The following RSF1 variants were observed in gnomAD, a reference collection of about 807,000 sequenced individuals.
The protein encoded by RSF1 is remodeling and spacing factor 1.
In RSF1, 13 loss-of-function variants were observed where a neutral mutation model predicts 145.2. The observed-to-expected ratio is 0.09, with a 90% CI of 0.06 to 0.14. RSF1 has a LOEUF of 0.14. RSF1 is among the 10% of genes least tolerant of loss of function. The pLI, the probability that RSF1 is intolerant of heterozygous loss-of-function variation, is 1.00. For missense variants in RSF1, 1,517 were observed against 1,718.2 expected (o/e 0.88, Z 2.07); for synonymous variants, 577 against 592.6 (o/e 0.97, Z 0.38).
chr11:77,743,679 T>G (rs1728493781), intron 3 of RSF1, among the ~76,000 whole-genome samples: 1 of 152,222 alleles, frequency 6.6e-6, no homozygotes, highest in African/African-American at 2.4e-5. Flanking sequence ...ACAATTTAAC[T>G]TCTTCCTTTC....
rs201359081 is a variant in RSF1 at position 77,698,700 on chromosome 11, T to A, written c.2509-7A>T. ...CTTTGCCTTTGGGTTTTACCTTGTA[T>A]AAAATAAAAAAAATTGGGATAATTT... On this transcript the variant is annotated splice_region_variant and splice_polypyrimidine_tract_variant and intron_variant, in intron 6 of 15. Transcript: ENST00000308488. The A allele has an allele frequency of 2.3e-3, 3,692 of 1,610,102 alleles. 5 individuals carry two copies. The highest frequency in any genetic ancestry group is 2.9e-3 in the Non-Finnish European group (3,456 of 1,177,374).
intron 2 of RSF1, among the ~76,000 whole-genome samples, chr11:77,757,228 CCTAGCATAAAGG>C (rs1948124980): frequency 6.6e-6 from 1 of 151,956 alleles, no homozygotes; most frequent in African/African-American, 2.4e-5. Flanking sequence ...ATGCTAGAGC[CCTAGCATAAAGG>C]CTAGCATAAA....
At chr11:77,834,174 C>A in the RSF1 span, among the ~76,000 whole-genome samples, 1 of 152,110 alleles carries the variant, frequency 6.6e-6, no homozygotes, top group East Asian at 1.9e-4. Context: ...AATACTAATT[C>A]AATGAATAAA....
intron 4 of RSF1, among the ~76,000 whole-genome samples, chr11:77,732,172 G>A (rs533163509): frequency 2.6e-5 from 4 of 152,358 alleles, no homozygotes; most frequent in Middle Eastern, 3.4e-3. Flanking sequence ...AGTCAAAAGA[G>A]ATGATTTTGG....
At chr11:77,726,949 AC>A (rs1327029965) in intron 4 of RSF1, among the ~76,000 whole-genome samples, 1 of 152,196 alleles carries the variant, frequency 6.6e-6, no homozygotes, top group Non-Finnish European at 1.5e-5. Context: ...CTTGAGTATT[AC>A]TAAATTGGTC....
At chr11:77,827,091 C>T in the RSF1 span, among the ~76,000 whole-genome samples, 11 of 143,588 alleles carry the variant, frequency 7.7e-5, no homozygotes, top group Non-Finnish European at 1.2e-4. Context: ...GGTGACAGAG[C>T]GAAACTCGTC....
At chr11:77,769,811 C>T (rs1230234241) in intron 1 of RSF1, among the ~76,000 whole-genome samples, 3 of 152,236 alleles carry the variant, frequency 2.0e-5, no homozygotes, top group Admixed American at 2.0e-4. Context: ...AATTCTTATT[C>T]TTCAATAAAG....
In RSF1 at chr11:77,667,100, C is replaced by G. The variant is rs1221761525; in HGVS notation, c.4143G>C (p.Glu1381Asp). ...TNGQSPGKAI[E>D]NLIGKPTEKS... ...TCTCAGTAGGCTTGCCAATCAAGTT[C>G]TCAATGGCTTTGCCAGGGCTCTGTC... The change falls in exon 16 of 16, where the codon GAG becomes GAC. Residue 1381 changes from glutamate to aspartate, a missense_variant. Glu to Asp is a conservative substitution (Grantham distance 45). Coordinates refer to ENST00000308488, the MANE Select transcript of RSF1 (RefSeq NM_016578.4). The G allele has an allele frequency of 6.2e-6, 10 of 1,614,068 alleles. No homozygotes were observed. The highest frequency in any genetic ancestry group is 8.5e-6 in the Non-Finnish European group (10 of 1,180,038).
intron 3 of RSF1, among the ~76,000 whole-genome samples, chr11:77,742,279 CCTTTT>C (rs1255950248): frequency 1.3e-5 from 2 of 151,906 alleles, no homozygotes; most frequent in African/African-American, 2.4e-5. Context: ...GCAAGGGTTC[CCTTTT>C]CTTTTTTCTT....
At chr11:77,823,278 A>G (rs1306896188), upstream of RSF1, among the ~76,000 whole-genome samples, 1 of 151,960 alleles carries the variant, frequency 6.6e-6, no homozygotes, top group African/African-American at 2.4e-5. Flanking sequence ...ATGGTTATGA[A>G]TTATCACTGC....
At chr11:77,671,213 T>G (rs1454852126) in intron 15 of RSF1, among the ~76,000 whole-genome samples, 2 of 121,576 alleles carry the variant, frequency 1.6e-5, no homozygotes, top group Non-Finnish European at 3.3e-5. Flanking sequence ...ATATATACAC[T>G]ATATATATAT....
At chr11:77,848,038 G>A in the RSF1 span, among the ~76,000 whole-genome samples, 1 of 152,158 alleles carries the variant, frequency 6.6e-6, no homozygotes, top group Non-Finnish European at 1.5e-5. Context: ...TACCAACATA[G>A]GGGAGGGTAG....
At chr11:77,841,231 C>A in the RSF1 span, 3 of 702,318 alleles carry the variant, frequency 4.3e-6, no homozygotes, top group Non-Finnish European at 7.8e-6. Context: ...AAAGGTCCCA[C>A]CTCTTAATGT....
chr11:77,841,003 A>G, the RSF1 span: 2 of 516,848 alleles, frequency 3.9e-6, no homozygotes, highest in South Asian at 3.5e-5. Flanking sequence ...AATGAAAATA[A>G]TTTTTTTTCT....
At chr11:77,694,744 G>A (rs1309905787) in intron 7 of RSF1, among the ~76,000 whole-genome samples, 1 of 152,144 alleles carries the variant, frequency 6.6e-6, no homozygotes, top group Non-Finnish European at 1.5e-5. Context: ...TCCTTTTGTT[G>A]ATTTTGAATC....
chr11:77,781,104 C>T (rs1590883300), intron 1 of RSF1, among the ~76,000 whole-genome samples: 2 of 148,728 alleles, frequency 1.3e-5, no homozygotes, highest in Non-Finnish European at 3.0e-5. Context: ...TTTGAATTGT[C>T]TTTTTTTTTT....
chr11:77,854,454 C>G, the RSF1 span, among the ~76,000 whole-genome samples: 1 of 152,216 alleles, frequency 6.6e-6, no homozygotes, highest in Admixed American at 6.5e-5. Flanking sequence ...TAAATACTTC[C>G]ATTCCAAAAG....
chr11:77,752,239 T>C (rs557003783), intron 2 of RSF1, among the ~76,000 whole-genome samples: 6 of 152,204 alleles, frequency 3.9e-5, no homozygotes, highest in Admixed American at 3.9e-4. Flanking sequence ...CAAGGTGGAA[T>C]GCTGGCAGCT....
rs1959303339 is a variant in RSF1, at chr11:77,664,149, T to C, written c.*2768A>G. 6.6e-6 allele frequency: 1 copy of C among 152,226 alleles called. No individual in the cohort carries two copies. The highest frequency in any genetic ancestry group is 2.4e-5 in the African/African-American group (1 of 41,472). The allele number at this position is 152,226 out of a possible 1,614,324, so 9.4% of individuals were successfully genotyped here. ...CCTTCAGAGTGTATTTCAGTGATCA[T>C]AAACTCTTTGAGGGACTGAATCTGA... On this transcript the variant is annotated 3_prime_UTR_variant, in exon 16 of 16. Coordinates refer to ENST00000308488, the MANE Select transcript of RSF1 (RefSeq NM_016578.4).
Sources: gnomAD v4.1 joint callset for allele counts (sites outside exome capture counted in the v4.1 genomes callset) on GRCh38, gnomAD v4.1.1 for gene constraint, MANE v1.5 for transcripts, NCBI Gene and HGNC (gene_info 2026-07-23, HGNC 2026-07-21) for gene names.